The following MYT1L variants were observed in gnomAD, a reference collection of about 807,000 sequenced individuals.
MYT1L encodes myelin transcription factor 1 like, also known as myelin transcription factor 1-like protein.
Under a neutral mutation model 126.7 loss-of-function variants are expected in MYT1L, and 12 were observed. That is an observed-to-expected ratio of 0.09 (90% CI 0.06 to 0.15). MYT1L has a LOEUF of 0.15. Among genes scored for constraint, MYT1L ranks in the 10% least tolerant of loss-of-function variants. MYT1L has a pLI of 1.00. For missense variants in MYT1L, 979 were observed against 1,585.2 expected (o/e 0.62, Z 6.49); for synonymous variants, 541 against 604.2 (o/e 0.90, Z 1.53).
At chr2:2,023,509 G>A (rs2065232789) in intron 4 of MYT1L, among the ~76,000 whole-genome samples, 2 of 152,216 alleles carry the variant, frequency 1.3e-5, no homozygotes, top group South Asian at 4.1e-4. Context: ...AGATTGGGTA[G>A]TGCCTAATAT....
intron 4 of MYT1L, among the ~76,000 whole-genome samples, chr2:2,050,744 G>A (rs537014256): frequency 2.0e-5 from 3 of 152,270 alleles, no homozygotes; most frequent in South Asian, 2.1e-4. Flanking sequence ...AGCTGAGAGC[G>A]GCAGAAGGTA....
At chr2:1,914,155 G>A (rs1481626464) in intron 11 of MYT1L, among the ~76,000 whole-genome samples, 1 of 151,972 alleles carries the variant, frequency 6.6e-6, no homozygotes, top group East Asian at 1.9e-4. Flanking sequence ...TCAGGAGGCT[G>A]AAGCAGGAGC....
Position 2,024,832 on chromosome 2 carries a change from T to C in MYT1L, c.-157-27485A>G, listed in dbSNP as rs116306352. 4.2e-3 allele frequency among the ~76,000 whole-genome samples: 643 copies of C among 152,340 alleles called. 7 individuals carry two copies. The highest frequency in any genetic ancestry group is 0.015 in the African/African-American group (613 of 41,584). ...GCTTCCTACAACCAGAAAATCACCT[T>C]TGAGTCTTCCCTCTGTCCTTTTCAT... On this transcript the variant is annotated intron_variant, in intron 4 of 24. Coordinates refer to ENST00000647738, the MANE Select transcript of MYT1L (RefSeq NM_001303052.2).
intron 17 of MYT1L, among the ~76,000 whole-genome samples, chr2:1,886,816 T>G (rs925248940): frequency 1.3e-5 from 2 of 152,178 alleles, no homozygotes; most frequent in African/African-American, 4.8e-5. Flanking sequence ...TGTTTAAAAA[T>G]AAGATAAAAC....
intron 19 of MYT1L, among the ~76,000 whole-genome samples, chr2:1,851,188 C>T (rs561371356): frequency 6.6e-6 from 1 of 152,238 alleles, no homozygotes; most frequent in African/African-American, 2.4e-5. Context: ...GACTTTGTAA[C>T]ATTAAGTGCT....
chr2:2,191,029 C>G (rs1300692153), intron 2 of MYT1L, among the ~76,000 whole-genome samples: 4 of 152,230 alleles, frequency 2.6e-5, no homozygotes, highest in Non-Finnish European at 5.9e-5. Context: ...AGGTGATCCT[C>G]CCGCCTCAAC....
chr2:2,051,064 C>T (rs2068769436), intron 4 of MYT1L, among the ~76,000 whole-genome samples: 1 of 152,122 alleles, frequency 6.6e-6, no homozygotes, highest in South Asian at 2.1e-4. Context: ...GTTCTACGTT[C>T]CATCTGATAG....
chr2:1,921,993 G>T (rs939125188), intron 10 of MYT1L, among the ~76,000 whole-genome samples: 2 of 152,174 alleles, frequency 1.3e-5, no homozygotes, highest in African/African-American at 4.8e-5. Context: ...TCTATCAAGT[G>T]ATGTGTCTGT....
chr2:2,182,402 T>C (rs2091636367), intron 2 of MYT1L, among the ~76,000 whole-genome samples: 1 of 152,208 alleles, frequency 6.6e-6, no homozygotes, highest in African/African-American at 2.4e-5. Context: ...GAGTCACTAT[T>C]GATTAAAAAG....
intron 4 of MYT1L, among the ~76,000 whole-genome samples, chr2:2,029,435 G>A (rs2065985353): frequency 1.3e-5 from 2 of 152,290 alleles, no homozygotes; most frequent in Non-Finnish European, 2.9e-5. Flanking sequence ...TTGTGCAGGG[G>A]AACTCCCATT....
chr2:2,183,449 CT>C, intron 2 of MYT1L, among the ~76,000 whole-genome samples: 1 of 152,234 alleles, frequency 6.6e-6, no homozygotes, highest in African/African-American at 2.4e-5. Context: ...TTTCCTAAAG[CT>C]TGCTTTGTTT....
intron 14 of MYT1L, among the ~76,000 whole-genome samples, chr2:1,896,170 T>C (rs181243284): frequency 2.0e-5 from 3 of 152,186 alleles, no homozygotes; most frequent in Admixed American, 6.5e-5. Context: ...ATGGCTATTA[T>C]TAAAAAGCCA....
At chr2:1,985,570 G>GT (rs1292115157) in intron 5 of MYT1L, among the ~76,000 whole-genome samples, 2 of 152,168 alleles carry the variant, frequency 1.3e-5, no homozygotes, top group Non-Finnish European at 2.9e-5. Context: ...ATATTTTCTA[G>GT]TCATCCTTCA....
chr2:1,874,776 T>TA (rs2046692575), intron 18 of MYT1L, among the ~76,000 whole-genome samples: 2 of 152,164 alleles, frequency 1.3e-5, no homozygotes, highest in Non-Finnish European at 2.9e-5. Context: ...CTTACAGCTG[T>TA]CCTCATGGAA....
intron 2 of MYT1L, among the ~76,000 whole-genome samples, chr2:2,210,144 G>C (rs2093453482): frequency 6.6e-6 from 1 of 152,078 alleles, no homozygotes; most frequent in Non-Finnish European, 1.5e-5. Context: ...TGACATTTTA[G>C]ATTATTTTCT....
At chr2:1,981,741 T>C (rs867579619) in intron 5 of MYT1L, among the ~76,000 whole-genome samples, 1 of 152,090 alleles carries the variant, frequency 6.6e-6, no homozygotes, top group Non-Finnish European at 1.5e-5. Context: ...TAACGGCAGC[T>C]TGAGAGAGGG....
intron 2 of MYT1L, among the ~76,000 whole-genome samples, chr2:2,194,434 T>C (rs1458717632): frequency 3.9e-5 from 6 of 152,314 alleles, no homozygotes; most frequent in Admixed American, 1.3e-4. Flanking sequence ...AGCTTTTGTA[T>C]GATATTGAGA....
intron 1 of MYT1L, among the ~76,000 whole-genome samples, chr2:2,291,553 A>G (rs1481186839): frequency 6.6e-6 from 1 of 152,264 alleles, no homozygotes; most frequent in Non-Finnish European, 1.5e-5. Flanking sequence ...TGGAAGGTGA[A>G]AATCAAAAGC....
chr2:1,838,064 C>A (rs1381751847), intron 21 of MYT1L, among the ~76,000 whole-genome samples: 1 of 151,896 alleles, frequency 6.6e-6, no homozygotes, highest in African/African-American at 2.4e-5. Flanking sequence ...GGCGCGTGCA[C>A]CACCACGCCC....
Sources: gnomAD v4.1 joint callset for allele counts (sites outside exome capture counted in the v4.1 genomes callset) on GRCh38, gnomAD v4.1.1 for gene constraint, MANE v1.5 for transcripts, NCBI Gene and HGNC (gene_info 2026-07-23, HGNC 2026-07-21) for gene names.